The following ADCY3 variants were observed in gnomAD, a reference collection of about 807,000 sequenced individuals.
ADCY3 encodes adenylate cyclase 3, also known as adenylate cyclase type 3.
In ADCY3, 70 loss-of-function variants were observed where a neutral mutation model predicts 119.4. The observed-to-expected ratio is 0.59, with a 90% confidence interval of 0.48 to 0.72. ADCY3 has a LOEUF of 0.72. Among genes scored for constraint, ADCY3 ranks in the 30% least tolerant of loss-of-function variants. The pLI is 0.00. For missense variants in ADCY3, 1,238 were observed against 1,541.6 expected, an observed-to-expected ratio of 0.80 and a Z score of 3.30; for synonymous variants, 672 against 621.4, an observed-to-expected ratio of 1.08 and a Z score of -1.21.
At chr2:24,847,888 T>TGGGCTG (rs1671832298) in intron 3 of ADCY3, among the ~76,000 whole-genome samples, 1 of 152,168 alleles carries the variant, frequency 6.6e-6, no homozygotes, top group Non-Finnish European at 1.5e-5. Flanking sequence ...CAGCACCCAC[T>TGGGCTG]GGGCTGGGGC....
intron 21 of ADCY3, chr2:24,820,520 C>G: frequency 7.1e-7 from 1 of 1,410,364 alleles, no homozygotes; most frequent in South Asian, 1.5e-5. Context: ...AGAACTTCAG[C>G]CCAGATTTTG....
intron 2 of ADCY3, among the ~76,000 whole-genome samples, chr2:24,886,188 C>G (rs1677001907): frequency 6.6e-6 from 1 of 152,246 alleles, no homozygotes; most frequent in Admixed American, 6.5e-5. Flanking sequence ...CTCAGTAGCA[C>G]CCAGCACGCT....
chr2:24,822,695 C>T (rs1667958143), intron 18 of ADCY3, 65 bp from the exon 19 acceptor site: 1 of 1,589,636 alleles, frequency 6.3e-7, no homozygotes, highest in Non-Finnish European at 8.6e-7. Flanking sequence ...AACCCAGTGA[C>T]AGATGTACCT....
At chr2:24,832,191 T>G in intron 11 of ADCY3, 1 of 166,828 alleles carries the variant, frequency 6.0e-6, no homozygotes, top group East Asian at 1.8e-4. Context: ...ACAAAGGCCC[T>G]GATGAGACGG....
chr2:24,918,631 G>A lies in ADCY3; in HGVS notation c.357C>T (p.Ile119=), dbSNP rs199729605. ...CCTTTTTGCAGAGCACGAAGAGGAT[G>A]ATGTCCAACACCAGTCCAATTCCAG... ...AVAGIGLVLD[I]ILFVLCKKGL... The change falls in exon 2 of 22, where the codon ATC becomes ATT. Residue 119 remains isoleucine, a synonymous_variant. Coordinates refer to ENST00000679454, the MANE Select transcript of ADCY3 (RefSeq NM_004036.5). The surrounding 1 kb of genome is among the most constrained non-coding windows in gnomAD (Gnocchi z 5.4). The A allele has an allele frequency of 6.2e-7, 1 of 1,614,168 alleles. No individual in the cohort carries two copies. Among genetic ancestry groups the A allele is most frequent in the South Asian group, 1.1e-5 (1 of 91,090 alleles).
At chr2:24,833,334 A>G (rs1669856718) in intron 11 of ADCY3, among the ~76,000 whole-genome samples, 2 of 152,144 alleles carry the variant, frequency 1.3e-5, no homozygotes, top group Non-Finnish European at 2.9e-5. Flanking sequence ...CTGTGCCTCC[A>G]GGGGCCAGGC....
At chr2:24,868,917 G>A (rs10196998) in intron 3 of ADCY3, among the ~76,000 whole-genome samples, 49,107 of 151,232 alleles carry the variant, frequency 0.32, 8,124 homozygotes, top group South Asian at 0.4. Flanking sequence ...CCAGCTACTC[G>A]GGAGGCTGAG....
intron 14 of ADCY3, 88 bp downstream of exon 14, chr2:24,827,814 C>A: frequency 6.3e-7 from 1 of 1,579,462 alleles, no homozygotes; most frequent in Non-Finnish European, 8.6e-7. Flanking sequence ...CAGAAAGCCA[C>A]CTCAGCACAG....
At chr2:24,851,987 C>T (rs998015460) in intron 3 of ADCY3, among the ~76,000 whole-genome samples, 25 of 152,306 alleles carry the variant, frequency 1.6e-4, no homozygotes, top group Admixed American at 4.6e-4. Context: ...CGATTAAAGC[C>T]GTATTCCTTG....
chr2:24,843,565 G>A (rs1233938614), intron 3 of ADCY3, among the ~76,000 whole-genome samples: 1 of 152,240 alleles, frequency 6.6e-6, no homozygotes. Flanking sequence ...TGGCAGAGTG[G>A]GGTAGATGCG....
chr2:24,884,028 T>A (rs1676717468), intron 2 of ADCY3, among the ~76,000 whole-genome samples: 1 of 152,170 alleles, frequency 6.6e-6, no homozygotes, highest in Non-Finnish European at 1.5e-5. Flanking sequence ...ATCTTTTTTC[T>A]CCCCTTTAGT....
chr2:24,895,204 C>T (rs1404619079), intron 2 of ADCY3, among the ~76,000 whole-genome samples: 1 of 152,190 alleles, frequency 6.6e-6, no homozygotes, highest in East Asian at 1.9e-4. Context: ...GATTCTCCTG[C>T]TTCAGCCTCC....
intron 2 of ADCY3, among the ~76,000 whole-genome samples, chr2:24,912,664 T>A (rs563282757): frequency 2.0e-4 from 31 of 152,058 alleles, no homozygotes; most frequent in Middle Eastern, 6.8e-3. Flanking sequence ...TACCCACCCC[T>A]GGCCCAGCCC....
At chr2:24,829,722 C>A (rs568807169) in intron 13 of ADCY3, among the ~76,000 whole-genome samples, 2 of 144,344 alleles carry the variant, frequency 1.4e-5, no homozygotes, top group East Asian at 3.9e-4. Flanking sequence ...GCGCCCGGCA[C>A]CGTGTGCTCC....
At chr2:24,849,742 A>G (rs998389174) in intron 3 of ADCY3, among the ~76,000 whole-genome samples, 3 of 152,178 alleles carry the variant, frequency 2.0e-5, no homozygotes, top group African/African-American at 4.8e-5. Flanking sequence ...GGAACCTGAC[A>G]GAGGGGAAAG....
At position 24,831,907 on chromosome 2, in the gene ADCY3, ACAGGGGC is replaced by A. The variant is rs754512924; in HGVS notation, c.1968-165_1968-159del. Among the ~76,000 whole-genome samples, 4 of 88,464 alleles carry A rather than the reference ACAGGGGC, an allele frequency of 4.5e-5. No homozygotes were observed. The Admixed American group carries it at 4.6e-4, about 10-fold the overall frequency. 58.0% of individuals were successfully genotyped at this position (88,464 alleles called of 152,430 possible). On this transcript the variant is annotated intron_variant, in intron 11 of 21. Transcript: ENST00000679454. ...GGGGCCAGGGGGCAGGGGACAGCGGACAGGGGCCAGGGGACAGCGGACAGTGGCCAGG... is the reference window on the plus strand; with the variant it reads ...GGGGCCAGGGGGCAGGGGACAGCGGACAGGGGACAGCGGACAGTGGCCAGG...
intron 3 of ADCY3, among the ~76,000 whole-genome samples, chr2:24,867,253 T>C (rs1316343882): frequency 1.3e-5 from 2 of 152,234 alleles, no homozygotes; most frequent in African/African-American, 2.4e-5. Context: ...GCGGGAAGGA[T>C]AGTGAAATGC....
intron 2 of ADCY3, among the ~76,000 whole-genome samples, chr2:24,881,825 G>T (rs556409774): frequency 6.6e-6 from 1 of 151,790 alleles, no homozygotes; most frequent in South Asian, 2.1e-4. Flanking sequence ...GTCTGGAGAC[G>T]TTTTGACAGT....
At chr2:24,903,015 C>T (rs1679079934) in intron 2 of ADCY3, among the ~76,000 whole-genome samples, 1 of 151,832 alleles carries the variant, frequency 6.6e-6, no homozygotes, top group African/African-American at 2.4e-5. Context: ...GGTGTGGTGG[C>T]GGGCGCCTAT....
Sources: allele counts gnomAD v4.1 joint callset (sites outside exome capture counted in the v4.1 genomes callset), GRCh38; gene constraint gnomAD v4.1.1; non-coding constraint Gnocchi (gnomAD v3.1); transcripts MANE v1.5; gene names NCBI Gene and HGNC (gene_info 2026-07-23, HGNC 2026-07-21).